The following TCF7L1 variants were observed in gnomAD, a reference collection of about 807,000 sequenced individuals.
TCF7L1 encodes the protein transcription factor 7 like 1.
A neutral mutation model predicts 63.7 loss-of-function variants in TCF7L1; 18 were observed. That is an observed-to-expected ratio of 0.28 (90% confidence interval 0.20 to 0.42). TCF7L1 has a LOEUF of 0.42. TCF7L1 is among the 10% of genes least tolerant of loss of function. The pLI, the probability that TCF7L1 is intolerant of heterozygous loss-of-function variation, is 1.00. For missense variants in TCF7L1, 654 were observed against 779.3 expected, an observed-to-expected ratio of 0.84 and a Z score of 1.91; for synonymous variants, 355 against 340.9, an observed-to-expected ratio of 1.04 and a Z score of -0.46.
At chr2:85,308,196 A>G (rs767551273) in intron 11 of TCF7L1, among the ~76,000 whole-genome samples, 1 of 152,080 alleles carries the variant, frequency 6.6e-6, no homozygotes, top group East Asian at 1.9e-4. Context: ...TAAAATCTCT[A>G]TATTACCAGA....
chr2:85,166,563 G>A (rs781543925), intron 3 of TCF7L1, among the ~76,000 whole-genome samples: 3 of 152,226 alleles, frequency 2.0e-5, no homozygotes, highest in Non-Finnish European at 2.9e-5. Flanking sequence ...GTACCCAGGA[G>A]CCCTGCCCTA....
intron 3 of TCF7L1, among the ~76,000 whole-genome samples, chr2:85,184,738 C>T (rs1678875499): frequency 6.6e-6 from 1 of 152,108 alleles, no homozygotes; most frequent in Non-Finnish European, 1.5e-5. Flanking sequence ...CTGAGGTGGC[C>T]CTGCTGATGT....
intron 4 of TCF7L1, among the ~76,000 whole-genome samples, chr2:85,287,710 T>G (rs1681596298): frequency 6.6e-6 from 1 of 152,166 alleles, no homozygotes; most frequent in Non-Finnish European, 1.5e-5. Context: ...AACTGGGAAT[T>G]CAACAGATGG....
intron 3 of TCF7L1, among the ~76,000 whole-genome samples, chr2:85,193,947 T>C (rs758383075): frequency 1.5e-4 from 23 of 151,656 alleles, no homozygotes; most frequent in Admixed American, 3.3e-4. Flanking sequence ...AAGTCTGAAA[T>C]TATTTTAGTA....
At chr2:85,160,242 A>G (rs1302965965) in intron 3 of TCF7L1, among the ~76,000 whole-genome samples, 2 of 152,074 alleles carry the variant, frequency 1.3e-5, no homozygotes, top group African/African-American at 2.4e-5. Context: ...CAACACTCCA[A>G]CAGAGATTTG....
At chr2:85,235,061 T>C (rs1474170507) in intron 3 of TCF7L1, among the ~76,000 whole-genome samples, 1 of 152,132 alleles carries the variant, frequency 6.6e-6, no homozygotes, top group East Asian at 1.9e-4. Context: ...CTCAATTGTG[T>C]GTAAGTGGCT....
chr2:85,208,547 C>T (rs537811229), intron 3 of TCF7L1, among the ~76,000 whole-genome samples: 1 of 152,260 alleles, frequency 6.6e-6, no homozygotes, highest in African/African-American at 2.4e-5. Flanking sequence ...AAGGGATGAA[C>T]CGTATCCAGT....
At chr2:85,197,607 T>C (rs1437867904) in intron 3 of TCF7L1, among the ~76,000 whole-genome samples, 1 of 152,240 alleles carries the variant, frequency 6.6e-6, no homozygotes, top group African/African-American at 2.4e-5. Flanking sequence ...TTTTTGGTTC[T>C]CTGCAATCAA....
At chr2:85,250,461 G>C (rs1345349536) in intron 3 of TCF7L1, among the ~76,000 whole-genome samples, 3 of 151,266 alleles carry the variant, frequency 2.0e-5, no homozygotes, top group Admixed American at 6.6e-5. Flanking sequence ...TTTTGAGACA[G>C]AGTCTCGCTC....
In TCF7L1 at chr2:85,233,488, G is replaced by A. The variant is rs1316990213; in HGVS notation, c.442-50007G>A. Among the ~76,000 whole-genome samples, 5 of 151,628 alleles carry A rather than the reference G, an allele frequency of 3.3e-5. No individual in the cohort carries two copies. In the East Asian group the frequency reaches 5.8e-4, roughly 18 times the overall value. ...ACACCACCACGCCTGGCTAATTTTTGTATTTTTAGTAGAGATAGGGTTTCA... is the reference window on the plus strand; with the variant it reads ...ACACCACCACGCCTGGCTAATTTTTATATTTTTAGTAGAGATAGGGTTTCA... On this transcript the variant is annotated intron_variant, in intron 3 of 11. Coordinates refer to ENST00000282111, the MANE Select transcript of TCF7L1 (RefSeq NM_031283.3).
rs147501506 is a variant in TCF7L1, at chr2:85,135,622, G to A, written c.441+1172G>A. On this transcript the variant is annotated intron_variant, in intron 3 of 11. Transcript: ENST00000282111. The stretch of plus-strand genomic sequence containing the variant: ...GCCATTCCTGCTGTCATTGTACAGC[G>A]GTCGGTGGAGAGCCAAGTCCTCCAC... Among the ~76,000 whole-genome samples, 721 of 151,996 alleles carry A rather than the reference G, an allele frequency of 4.7e-3. 7 individuals carry two copies. The highest frequency in any genetic ancestry group is 0.016 in the African/African-American group (681 of 41,422).
chr2:85,240,521 C>T (rs978034348), intron 3 of TCF7L1, among the ~76,000 whole-genome samples: 4 of 151,740 alleles, frequency 2.6e-5, no homozygotes, highest in Non-Finnish European at 5.9e-5. Context: ...CCTGTAATCC[C>T]AGCACTTTGG....
chr2:85,198,843 A>G (rs780473368), intron 3 of TCF7L1, among the ~76,000 whole-genome samples: 36 of 152,230 alleles, frequency 2.4e-4, no homozygotes, highest in Non-Finnish European at 3.5e-4. Context: ...CCTGGGTGAC[A>G]GAATGAGACC....
At chr2:85,206,980 G>C (rs1026351542) in intron 3 of TCF7L1, among the ~76,000 whole-genome samples, 3 of 152,266 alleles carry the variant, frequency 2.0e-5, no homozygotes, top group Non-Finnish European at 2.9e-5. Flanking sequence ...GTGTTAAGGC[G>C]CGTGCGTGGT....
intron 5 of TCF7L1, 144 bp from the exon 6 acceptor site, chr2:85,303,751 T>C (rs1682038753): frequency 3.4e-6 from 2 of 588,980 alleles, no homozygotes; most frequent in African/African-American, 3.7e-5. Context: ...TGCTAGGGAG[T>C]TGACAGAGGG....
intron 3 of TCF7L1, among the ~76,000 whole-genome samples, chr2:85,211,107 A>G (rs752403845): frequency 1.1e-4 from 16 of 152,234 alleles, no homozygotes; most frequent in Non-Finnish European, 1.9e-4. Context: ...TCTTCAAGAC[A>G]AACAGTGGCC....
intron 3 of TCF7L1, chr2:85,233,812 C>T (rs1281752791): frequency 4.6e-5 from 7 of 152,134 alleles, no homozygotes; most frequent in Non-Finnish European, 5.9e-5. Flanking sequence ...TAAGTGGATT[C>T]GTATGGTGTG....
chr2:85,162,081 C>T (rs1386466946), intron 3 of TCF7L1, among the ~76,000 whole-genome samples: 1 of 151,716 alleles, frequency 6.6e-6, no homozygotes, highest in Non-Finnish European at 1.5e-5. Context: ...TCAGAATACA[C>T]ATGCCTGGCT....
intron 3 of TCF7L1, among the ~76,000 whole-genome samples, chr2:85,183,480 A>G (rs1678850816): frequency 6.6e-6 from 1 of 152,078 alleles, no homozygotes; most frequent in Non-Finnish European, 1.5e-5. Context: ...CATTTCCATG[A>G]TTTTGACATG....
Sources: gnomAD v4.1 joint callset for allele counts (sites outside exome capture counted in the v4.1 genomes callset) on GRCh38, gnomAD v4.1.1 for gene constraint, MANE v1.5 for transcripts, NCBI Gene and HGNC (gene_info 2026-07-23, HGNC 2026-07-21) for gene names.